Variants in AVPR1B observed in about 807,000 individuals in gnomAD.
The protein encoded by AVPR1B is arginine vasopressin receptor 1B, also known as vasopressin V1b receptor.
Under a neutral mutation model 27.5 loss-of-function variants are expected in AVPR1B, and 25 were observed. That is an observed-to-expected ratio of 0.91 (90% confidence interval 0.66 to 1.27). The LOEUF is 1.27. Among genes scored for constraint, AVPR1B ranks in the 50% most tolerant of loss-of-function variants. AVPR1B has a pLI of 0.00. For synonymous variants in AVPR1B, 248 were observed against 240.2 expected, an observed-to-expected ratio of 1.03 and a Z score of -0.30; for missense variants, 595 against 556.9, an observed-to-expected ratio of 1.07 and a Z score of -0.69.
intron 1 of AVPR1B, among the ~76,000 whole-genome samples, chr1:206,114,099 T>C (rs752642240): frequency 6.6e-6 from 1 of 152,222 alleles, no homozygotes; most frequent in Non-Finnish European, 1.5e-5. Flanking sequence ...CTTGCATGGT[T>C]GTATTAAATT....
In AVPR1B at chr1:206,109,208, T is replaced by A. The variant is rs544440581; in HGVS notation, c.*981A>T. Among the ~76,000 whole-genome samples, 566 of 152,262 alleles carry A rather than the reference T, an allele frequency of 3.7e-3. 5 individuals carry two copies. Among genetic ancestry groups the A allele is most frequent in the African/African-American group, 0.013 (555 of 41,544 alleles). ...ATTCAAACCCGGGCTCCTAACTGGA[T>A]CACAGCATCCATATGGTTCATGGTG... On this transcript the variant is annotated 3_prime_UTR_variant, in exon 2 of 2. Coordinates refer to ENST00000367126, the MANE Select transcript of AVPR1B (RefSeq NM_000707.5).
chr1:206,113,314 G>A (rs1364763300), intron 1 of AVPR1B, among the ~76,000 whole-genome samples: 1 of 152,200 alleles, frequency 6.6e-6, no homozygotes, highest in Non-Finnish European at 1.5e-5. Flanking sequence ...CAGGGGCAGG[G>A]ACAAGGAAAC....
intron 1 of AVPR1B, among the ~76,000 whole-genome samples, chr1:206,114,347 C>G (rs1170287071): frequency 6.6e-6 from 1 of 152,166 alleles, no homozygotes; most frequent in African/African-American, 2.4e-5. Flanking sequence ...CTGAGCTGTG[C>G]ACACTATGAG....
At position 206,116,477 on chromosome 1, in the gene AVPR1B, G is replaced by T. The variant is rs146412534; in HGVS notation, c.414C>A (p.His138Gln). The change falls in exon 1 of 2, where the codon CAC becomes CAA. Residue 138 changes from histidine to glutamine, a missense_variant. By Grantham distance (24) the His-to-Gln change is conservative (BLOSUM62 0). Transcript: ENST00000367126. ...CTGGCTGCTGGAGGCTGCGCAGGGG[G>T]TGACAGACAGCCAGGTAGCGGTCCA... The part of the protein sequence containing the change: ...MTLDRYLAVC[H>Q]PLRSLQQPGQ... The T allele has an allele frequency of 6.6e-5, 107 of 1,613,912 alleles. No homozygotes were observed. The highest frequency in any genetic ancestry group is 8.6e-5 in the Non-Finnish European group (101 of 1,180,024).
chr1:206,111,589 C>T (rs1663377415), intron 1 of AVPR1B, among the ~76,000 whole-genome samples: 1 of 152,188 alleles, frequency 6.6e-6, no homozygotes, highest in Admixed American at 6.5e-5. Context: ...TCTTTCAGCT[C>T]TAAGGTAGAG....
chr1:206,114,033 C>T (rs1376330907), intron 1 of AVPR1B, among the ~76,000 whole-genome samples: 24 of 152,196 alleles, frequency 1.6e-4, no homozygotes, highest in African/African-American at 5.1e-4. Flanking sequence ...GTCAAAAGGG[C>T]GATTAAGAAG....
chr1:206,116,702 G>T lies in AVPR1B; in HGVS notation c.189C>A (p.Gly63=), dbSNP rs1663482755. Residue 63 remains glycine, a synonymous_variant, in exon 1 of 2, where the codon GGC becomes GGA. Transcript: ENST00000367126. ...ACAGGTGCATGCGGGAGCGCTTGCG[G>T]CCCAGCTGGCCCAGGGTCAGCAGCA... ...LAVLLTLGQL[G]RKRSRMHLFV... 6.2e-7 allele frequency: 1 copy of T among 1,607,734 alleles called. No homozygotes were observed. The highest frequency in any genetic ancestry group is 1.1e-5 in the South Asian group (1 of 90,092).
At chr1:206,115,889 T>A in intron 1 of AVPR1B, 62 bp downstream of exon 1, 1 of 1,509,554 alleles carries the variant, frequency 6.6e-7, no homozygotes, top group Non-Finnish European at 8.9e-7. Context: ...AACCCTGACC[T>A]AATCCCCCAT....
intron 1 of AVPR1B, among the ~76,000 whole-genome samples, chr1:206,111,238 T>C (rs1490257811): frequency 3.3e-5 from 5 of 152,212 alleles, no homozygotes; most frequent in Non-Finnish European, 5.9e-5. Flanking sequence ...TCTGTGTTCT[T>C]AGATTGTGCC....
At position 206,110,167 on chromosome 1, in the gene AVPR1B, AC is replaced by A; in HGVS notation, c.*21del. ...AACCTCCACTAGTCCTGGGGGCAGT[AC>A]CAGACCCCAGCGAGTCTTTCCTAAA... On this transcript the variant is annotated 3_prime_UTR_variant, in exon 2 of 2. Transcript: ENST00000367126. 3 of 1,589,246 alleles carry A rather than the reference AC, an allele frequency of 1.9e-6. No individual in the cohort carries two copies. The highest frequency in any genetic ancestry group is 2.3e-5 in the South Asian group (2 of 87,382).
At chr1:206,113,351 G>A (rs1046810544) in intron 1 of AVPR1B, among the ~76,000 whole-genome samples, 2 of 152,190 alleles carry the variant, frequency 1.3e-5, no homozygotes, top group African/African-American at 4.8e-5. Flanking sequence ...AAGACTTGGG[G>A]CTAGGGGGCA....
At position 206,107,456 on chromosome 1, in the gene AVPR1B, C is replaced by A. The variant is rs1200352515; in HGVS notation, c.*2733G>T. Among the ~76,000 whole-genome samples the A allele has an allele frequency of 2.0e-5, 3 of 152,112 alleles. No homozygotes were observed. Among genetic ancestry groups the A allele is most frequent in the African/African-American group, 7.2e-5 (3 of 41,404 alleles). ...TCCTGCAGAACTTTCACTCATAGAT[C>A]CGATGAGATCCACCATTTCCTTCAG... On this transcript the variant is annotated 3_prime_UTR_variant, in exon 2 of 2. Transcript: ENST00000367126.
In AVPR1B at chr1:206,116,564, G is replaced by A. The variant is rs1553290580; in HGVS notation, c.327C>T (p.Ala109=). The A allele has an allele frequency of 2.5e-6, 4 of 1,614,162 alleles. No individual in the cohort carries two copies. The highest frequency in any genetic ancestry group is 2.2e-5 in the South Asian group (2 of 91,088). ...RFQGPDLLCR[A]VKYLQVLSMF... ...TGCTGAGCACCTGCAGGTACTTGACGGCCCTGCACAGGAGGTCGGGGCCCT... is the reference window on the plus strand; with the variant it reads ...TGCTGAGCACCTGCAGGTACTTGACAGCCCTGCACAGGAGGTCGGGGCCCT... The change falls in exon 1 of 2, where the codon GCC becomes GCT. Residue 109 remains alanine (A), a synonymous_variant. Coordinates refer to ENST00000367126, the MANE Select transcript of AVPR1B (RefSeq NM_000707.5).
At position 206,116,997 on chromosome 1, in the gene AVPR1B, G is replaced by A. The variant is rs1663492848; in HGVS notation, c.-107C>T. 7 of 1,066,958 alleles carry A rather than the reference G, an allele frequency of 6.6e-6. No individual in the cohort carries two copies. Among genetic ancestry groups the A allele is most frequent in the Non-Finnish European group, 5.5e-6 (4 of 721,496 alleles). The allele number at this position is 1,066,958 out of a possible 1,614,324, so 66.1% of individuals were successfully genotyped here. ...GGGGAGGTGGAGAGAAAGGAGAAGC[G>A]TTGAGAATGACAGGGAGAAGGCTTG... On this transcript the variant is annotated 5_prime_UTR_variant, in exon 1 of 2. The change creates a new upstream start codon in the 5' untranslated region. Transcript: ENST00000367126.
Position 206,116,497 on chromosome 1 carries a change from G to A in AVPR1B, c.394C>T (p.Arg132Cys), listed in dbSNP as rs782791523. 6.8e-5 allele frequency: 110 copies of A among 1,613,942 alleles called. No individual in the cohort carries two copies. The highest frequency in any genetic ancestry group is 8.1e-5 in the Non-Finnish European group (95 of 1,179,998). The change falls in exon 1 of 2, where the codon CGC (arginine) becomes TGC (cysteine). Residue 132 changes from arginine (R) to cysteine (C), a missense_variant. Transcript: ENST00000367126. ...AGGGGGTGACAGACAGCCAGGTAGCGGTCCAGCGTCATGGCCAGCAGCATG... is the reference window on the plus strand; with the variant it reads ...AGGGGGTGACAGACAGCCAGGTAGCAGTCCAGCGTCATGGCCAGCAGCATG... ...TYMLLAMTLD[R>C]YLAVCHPLRS...
chr1:206,116,384 G>A lies in AVPR1B; in HGVS notation c.507C>T (p.Val169=), dbSNP rs1293403478. Residue 169 remains valine (V), a synonymous_variant, in exon 1 of 2, where the codon GTC becomes GTT. Transcript: ENST00000367126. ...TCACCTCCCGCAGGGAAAAAATGAAGACTTGAGGGAGGCTGAAGATGGCGG... is the reference window on the plus strand; with the variant it reads ...TCACCTCCCGCAGGGAAAAAATGAAAACTTGAGGGAGGCTGAAGATGGCGG... ...LLAAIFSLPQ[V]FIFSLREVIQ... is the part of the protein sequence containing the mutation. 3 of 1,613,760 alleles carry A rather than the reference G, an allele frequency of 1.9e-6. No homozygotes were observed. Among genetic ancestry groups the A allele is most frequent in the Non-Finnish European group, 2.5e-6 (3 of 1,180,060 alleles).
rs1050265608 is a variant in AVPR1B, at chr1:206,109,926, A to G, written c.*263T>C. 2.0e-6 allele frequency: 1 copy of G among 497,462 alleles called. No homozygotes were observed. The highest frequency in any genetic ancestry group is 3.6e-6 in the Non-Finnish European group (1 of 277,442). 30.8% of individuals were successfully genotyped at this position (497,462 alleles called of 1,614,324 possible). A position where few individuals can be genotyped will look rare whatever the true frequency, so the allele number is the denominator to read the frequency against. Reference sequence around the variant, plus strand: ...GACACCATGTGTGCATGGACACCCTATGAATATGGCAGGACCAGGGAGACA... The same window carrying G: ...GACACCATGTGTGCATGGACACCCTGTGAATATGGCAGGACCAGGGAGACA... On this transcript the variant is annotated 3_prime_UTR_variant, in exon 2 of 2. Transcript: ENST00000367126.
chr1:206,107,446 A>C lies in AVPR1B; in HGVS notation c.*2743T>G, dbSNP rs531565167. Among the ~76,000 whole-genome samples, 4 of 151,762 alleles carry C rather than the reference A, an allele frequency of 2.6e-5. No homozygotes were observed. Among genetic ancestry groups the C allele is most frequent in the Admixed American group, 6.6e-5 (1 of 15,246 alleles). ...CTCCTACAGGTCCTGCAGAACTTTC[A>C]CTCATAGATCCGATGAGATCCACCA... On this transcript the variant is annotated 3_prime_UTR_variant, in exon 2 of 2. Transcript: ENST00000367126.
chr1:206,110,768 T>A, intron 1 of AVPR1B, among the ~76,000 whole-genome samples: 1 of 152,298 alleles, frequency 6.6e-6, no homozygotes, highest in South Asian at 2.1e-4. Context: ...AGGGTGAAGG[T>A]AGGAGCTGAG....
Sources: gnomAD v4.1 joint callset for allele counts (sites outside exome capture counted in the v4.1 genomes callset) on GRCh38, gnomAD v4.1.1 for gene constraint, MANE v1.5 for transcripts, NCBI Gene and HGNC (gene_info 2026-07-23, HGNC 2026-07-21) for gene names.